Variants in CHRM2 observed in about 807,000 individuals in gnomAD.
The protein encoded by CHRM2 is cholinergic receptor muscarinic 2, also known as muscarinic acetylcholine receptor M2.
Under a neutral mutation model 25.0 loss-of-function variants are expected in CHRM2, and 8 were observed. The observed-to-expected ratio is 0.32, with a 90% CI of 0.19 to 0.58. CHRM2 has a LOEUF of 0.58. CHRM2 is among the 20% of genes least tolerant of loss of function. The pLI, the probability that CHRM2 is intolerant of heterozygous loss-of-function variation, is 0.88. For missense variants in CHRM2, 440 were observed against 567.1 expected (o/e 0.78, Z 2.28); for synonymous variants, 202 against 205.7 (o/e 0.98, Z 0.15).
chr7:136,897,562 T>C (rs1250697227), intron 2 of CHRM2, among the ~76,000 whole-genome samples: 2 of 152,104 alleles, frequency 1.3e-5, no homozygotes, highest in Non-Finnish European at 2.9e-5. Context: ...TAGTTTATCT[T>C]TTATTAATTT....
At chr7:136,878,282 A>G (rs1796126744) in intron 2 of CHRM2, among the ~76,000 whole-genome samples, 1 of 151,888 alleles carries the variant, frequency 6.6e-6, no homozygotes, top group South Asian at 2.1e-4. Context: ...CCTCAAAATT[A>G]CTTTTCTATG....
At chr7:136,900,710 T>C (rs1419211415) in intron 2 of CHRM2, among the ~76,000 whole-genome samples, 1 of 152,002 alleles carries the variant, frequency 6.6e-6, no homozygotes, top group Non-Finnish European at 1.5e-5. Context: ...TAAACAATCT[T>C]TTTTTTAAAA....
chr7:136,958,987 T>G (rs1244760276), intron 2 of CHRM2, among the ~76,000 whole-genome samples: 1 of 152,206 alleles, frequency 6.6e-6, no homozygotes, highest in Admixed American at 6.5e-5. Flanking sequence ...AGTTTGTCTC[T>G]TCCTTAGCTT....
At chr7:136,890,882 T>C (rs1432610180) in intron 2 of CHRM2, among the ~76,000 whole-genome samples, 1 of 152,204 alleles carries the variant, frequency 6.6e-6, no homozygotes, top group Non-Finnish European at 1.5e-5. Flanking sequence ...TATATGTGTA[T>C]GTGTGTGTAT....
At chr7:136,962,429 C>A (rs1801155641) in intron 2 of CHRM2, among the ~76,000 whole-genome samples, 1 of 152,096 alleles carries the variant, frequency 6.6e-6, no homozygotes, top group South Asian at 2.1e-4. Flanking sequence ...GCCACTGCGC[C>A]CGGCCACAAC....
intron 2 of CHRM2, among the ~76,000 whole-genome samples, chr7:136,985,470 A>T (rs961728256): frequency 1.4e-5 from 2 of 140,058 alleles, no homozygotes; most frequent in African/African-American, 5.4e-5. Context: ...AGATCATGCC[A>T]CTGCATTCCA....
intron 2 of CHRM2, among the ~76,000 whole-genome samples, chr7:136,965,849 G>T (rs757274616): frequency 6.6e-6 from 1 of 151,836 alleles, no homozygotes; most frequent in Non-Finnish European, 1.5e-5. Context: ...GGAATAATTA[G>T]AATAGTATTT....
chr7:136,979,426 C>T (rs865979816), intron 2 of CHRM2, among the ~76,000 whole-genome samples: 3 of 152,108 alleles, frequency 2.0e-5, no homozygotes, highest in South Asian at 4.1e-4. Flanking sequence ...GTTTCTTTTG[C>T]TGTGTAGAAG....
At chr7:136,923,713 T>C (rs1798581241) in intron 2 of CHRM2, among the ~76,000 whole-genome samples, 1 of 152,148 alleles carries the variant, frequency 6.6e-6, no homozygotes, top group Admixed American at 6.6e-5. Flanking sequence ...TTAAAAAGAC[T>C]TTCATAATTT....
chr7:136,884,947 G>C (rs1375784983), intron 2 of CHRM2, among the ~76,000 whole-genome samples: 2 of 152,126 alleles, frequency 1.3e-5, no homozygotes, highest in African/African-American at 4.8e-5. Context: ...CAGTTTTTCT[G>C]TTTGTTTGGT....
chr7:136,941,150 G>C (rs1799748657), intron 2 of CHRM2, among the ~76,000 whole-genome samples: 1 of 152,144 alleles, frequency 6.6e-6, no homozygotes, highest in Admixed American at 6.5e-5. Flanking sequence ...ATCCTGTTAT[G>C]AGATTAATTT....
intron 2 of CHRM2, among the ~76,000 whole-genome samples, chr7:136,954,230 A>G (rs999846477): frequency 2.6e-5 from 4 of 152,124 alleles, no homozygotes; most frequent in African/African-American, 9.7e-5. Context: ...CTATACATTT[A>G]TATATGTGTG....
chr7:136,876,318 G>A (rs776209081), intron 2 of CHRM2, among the ~76,000 whole-genome samples: 20 of 152,098 alleles, frequency 1.3e-4, no homozygotes, highest in Non-Finnish European at 2.5e-4. Flanking sequence ...GCTAGAACTT[G>A]TTAGGGATAC....
In CHRM2 at chr7:137,014,921, A is replaced by C; in HGVS notation, c.56A>C (p.Lys19Thr). The C allele has an allele frequency of 6.2e-7, 1 of 1,613,220 alleles. No homozygotes were observed. Among genetic ancestry groups the C allele is most frequent in the Non-Finnish European group, 8.5e-7 (1 of 1,179,504 alleles). ...AGCCTGGCTCTTACAAGTCCTTATA[A>C]GACATTTGAAGTGGTGTTTATTGTC... is the stretch of plus-strand genomic sequence containing the variant. ...NNSLALTSPYKTFEVVFIVLV... is the reference protein window; with the variant it reads ...NNSLALTSPYTTFEVVFIVLV... Residue 19 changes from lysine to threonine, a missense_variant, in exon 4 of 4, where the codon AAG becomes ACG. Physicochemically the swap from Lys to Thr is moderately conservative, Grantham distance 78. This residue lies in a region of CHRM2 where 86 missense variants were observed against 124.9 expected (regional missense o/e 0.69). Transcript: ENST00000680005.
chr7:136,952,516 C>G lies in CHRM2; in HGVS notation c.-124-39671C>G, dbSNP rs73447105. On this transcript the variant is annotated intron_variant, in intron 2 of 3. Coordinates refer to ENST00000680005, the MANE Select transcript of CHRM2 (RefSeq NM_001006630.2). ...GTCGTCTGACTTCTACACTGCTGTTCTCTACCCATGATGACTGAGTTTCTA... is the reference window on the plus strand; with the variant it reads ...GTCGTCTGACTTCTACACTGCTGTTGTCTACCCATGATGACTGAGTTTCTA... Among the ~76,000 whole-genome samples the G allele has an allele frequency of 1.4e-3, 215 of 152,254 alleles. 1 individual carries two copies. Among genetic ancestry groups the G allele is most frequent in the African/African-American group, 4.9e-3 (204 of 41,568 alleles).
rs114103630 is a variant in CHRM2, at chr7:136,909,613, C to T, written c.-125+40195C>T. 4.4e-3 allele frequency among the ~76,000 whole-genome samples: 666 copies of T among 151,906 alleles called. 7 individuals are homozygous for T. Among genetic ancestry groups the T allele is most frequent in the African/African-American group, 0.015 (637 of 41,476 alleles). ...TTTATTATTATGCCAAACTATGTCC[C>T]AAGAAGACGTGCTGTATGTATATAT... On this transcript the variant is annotated intron_variant, in intron 2 of 3. Transcript: ENST00000680005.
chr7:136,948,578 C>T (rs993559136), intron 2 of CHRM2, among the ~76,000 whole-genome samples: 1 of 151,994 alleles, frequency 6.6e-6, no homozygotes, highest in Admixed American at 6.6e-5. Context: ...GAGTCCAGAG[C>T]CAAAATGTTG....
intron 2 of CHRM2, among the ~76,000 whole-genome samples, chr7:136,930,774 G>A (rs1799036339): frequency 6.6e-6 from 1 of 151,734 alleles, no homozygotes. Context: ...GCGGGCACCT[G>A]TAGTCCCAGC....
At chr7:136,990,630 T>A (rs2131015794) in intron 2 of CHRM2, among the ~76,000 whole-genome samples, 1 of 152,306 alleles carries the variant, frequency 6.6e-6, no homozygotes, top group South Asian at 2.1e-4. Flanking sequence ...GAAGGATATC[T>A]TTGTTGCTTC....
Sources: allele counts gnomAD v4.1 joint callset (sites outside exome capture counted in the v4.1 genomes callset), GRCh38; gene constraint gnomAD v4.1.1; regional missense constraint gnomAD v4.1.1; transcripts MANE v1.5; gene names NCBI Gene and HGNC (gene_info 2026-07-23, HGNC 2026-07-21).